Variants in SATB1 observed in about 807,000 individuals in gnomAD.
SATB1 encodes DNA-binding protein SATB1.
SATB1 carries 11 observed loss-of-function variants against 86.9 expected under a neutral mutation model. The ratio of observed to expected loss-of-function variants is 0.13; its 90% confidence interval spans 0.08 to 0.21. The LOEUF is 0.21. SATB1 is among the 10% of genes least tolerant of loss of function. The pLI is 1.00. For synonymous variants in SATB1, 357 were observed against 357.2 expected (o/e 1.00, Z 0.01); for missense variants, 551 against 937.6 (o/e 0.59, Z 5.39).
intron 2 of SATB1, among the ~76,000 whole-genome samples, chr3:18,430,527 T>TG (rs1698853240): frequency 6.6e-6 from 1 of 152,126 alleles, no homozygotes; most frequent in African/African-American, 2.4e-5. Context: ...CCCTTACCCC[T>TG]GTACCTATAT....
chr3:18,398,732 T>C (rs1697092488), intron 5 of SATB1, among the ~76,000 whole-genome samples: 1 of 152,146 alleles, frequency 6.6e-6, no homozygotes, highest in Non-Finnish European at 1.5e-5. Context: ...ATATCTTTTT[T>C]TTTGACACTC....
intron 2 of SATB1, among the ~76,000 whole-genome samples, chr3:18,432,194 T>G (rs555905637): frequency 7.9e-5 from 12 of 152,290 alleles, no homozygotes; most frequent in African/African-American, 2.6e-4. Flanking sequence ...ACTGTCCATG[T>G]CAAGGAGCCA....
chr3:18,423,613 G>A lies in SATB1; in HGVS notation c.-25+14C>T, dbSNP rs1170403208. 1 of 151,764 alleles carries A rather than the reference G, an allele frequency of 6.6e-6. No individual in the cohort carries two copies. The highest frequency in any genetic ancestry group is 1.5e-5 in the Non-Finnish European group (1 of 67,994). 9.4% of individuals were successfully genotyped at this position (151,764 alleles called of 1,614,324 possible). A position where few individuals can be genotyped will look rare whatever the true frequency, so the allele number is the denominator to read the frequency against. On this transcript the variant is annotated intron_variant, in intron 1 of 10. Coordinates refer to ENST00000338745, the MANE Select transcript of SATB1 (RefSeq NM_002971.6). The stretch of plus-strand genomic sequence containing the variant: ...TTTACTGAGTGAAATTAGCAAAACC[G>A]ACCTGAAACTCACCACTTCAAAACT...
At chr3:18,369,611 C>T (rs1171023883) in intron 9 of SATB1, among the ~76,000 whole-genome samples, 2 of 149,414 alleles carry the variant, frequency 1.3e-5, no homozygotes, top group East Asian at 2.0e-4. Context: ...AATGAACAAG[C>T]TGTTTGTGGT....
chr3:18,413,236 TAAATTCA>T (rs1227713321), intron 5 of SATB1, among the ~76,000 whole-genome samples: 11 of 152,134 alleles, frequency 7.2e-5, no homozygotes, highest in Non-Finnish European at 4.4e-5. Context: ...TAACATTAAG[TAAATTCA>T]CAATTCTATT....
chr3:18,352,427 T>C lies in SATB1; in HGVS notation c.1576-232A>G, dbSNP rs1446519096. 1 of 497,326 alleles carries C rather than the reference T, an allele frequency of 2.0e-6. No individual in the cohort carries two copies. Among genetic ancestry groups the C allele is most frequent in the Non-Finnish European group, 3.6e-6 (1 of 275,790 alleles). The allele number at this position is 497,326 out of a possible 1,614,324, so 30.8% of individuals were successfully genotyped here. On this transcript the variant is annotated intron_variant, in intron 9 of 10. Coordinates refer to ENST00000338745, the MANE Select transcript of SATB1 (RefSeq NM_002971.6). The surrounding 1 kb of genome is among the most constrained non-coding windows in gnomAD (Gnocchi z 4.1). Reference sequence around the variant, plus strand: ...ATTTGCATCTCAAAGGAGGGACATATTTTTTCAGACTCTGAGGGTAACAGA... The same window carrying C: ...ATTTGCATCTCAAAGGAGGGACATACTTTTTCAGACTCTGAGGGTAACAGA...
chr3:18,384,596 G>A (rs1162466715), intron 8 of SATB1, among the ~76,000 whole-genome samples: 1 of 152,040 alleles, frequency 6.6e-6, no homozygotes, highest in Admixed American at 6.5e-5. Flanking sequence ...GACTTCAGGA[G>A]CAAAGTTAAC....
intron 10 of SATB1, chr3:18,351,337 T>A: frequency 1.3e-6 from 2 of 1,551,814 alleles, no homozygotes; most frequent in Non-Finnish European, 1.7e-6. Flanking sequence ...CGAGCCATGG[T>A]GCAGGGGTCG....
chr3:18,355,349 A>G (rs772314483), intron 9 of SATB1, among the ~76,000 whole-genome samples: 1 of 152,056 alleles, frequency 6.6e-6, no homozygotes, highest in Non-Finnish European at 1.5e-5. Context: ...ACTACCTCAA[A>G]TTCTATTGAT....
intron 7 of SATB1, among the ~76,000 whole-genome samples, chr3:18,392,209 A>C (rs1381773618): frequency 6.6e-6 from 1 of 152,184 alleles, no homozygotes; most frequent in Non-Finnish European, 1.5e-5. Context: ...AAAAAAAGTC[A>C]CTGTTTTTGA....
At chr3:18,351,364 A>G (rs1421910691) in intron 10 of SATB1, 1 of 1,554,266 alleles carries the variant, frequency 6.4e-7, no homozygotes, top group Admixed American at 1.8e-5. Flanking sequence ...CTGGTAAGAA[A>G]ACGCCTCTAG....
At chr3:18,412,838 G>A (rs564903653) in intron 5 of SATB1, among the ~76,000 whole-genome samples, 3 of 152,122 alleles carry the variant, frequency 2.0e-5, no homozygotes, top group East Asian at 3.9e-4. Context: ...AACAGTTTAT[G>A]TTGAAAAAAT....
chr3:18,417,655 A>G (rs1698187717), intron 2 of SATB1: 4 of 698,594 alleles, frequency 5.7e-6, no homozygotes, highest in Admixed American at 4.0e-5. Context: ...GGTTCCACAA[A>G]AAGTACTTAA....
chr3:18,416,799 T>C lies in SATB1; in HGVS notation c.388+103A>G, dbSNP rs952428558. 14 of 1,190,168 alleles carry C rather than the reference T, an allele frequency of 1.2e-5. No homozygotes were observed. In the African/African-American group the frequency reaches 1.2e-4, roughly 11 times the overall value. The allele number at this position is 1,190,168 out of a possible 1,614,324, so 73.7% of individuals were successfully genotyped here. ...CACAGCCTATAAGGAACCAATGTAA[T>C]ACACAGGCTACAGTTCTTTGAATAA... On this transcript the variant is annotated intron_variant, in intron 3 of 10. Transcript: ENST00000338745.
chr3:18,353,590 C>T (rs78709993), intron 9 of SATB1, among the ~76,000 whole-genome samples: 87 of 151,772 alleles, frequency 5.7e-4, no homozygotes, highest in African/African-American at 1.9e-3. Flanking sequence ...GGTTTTGTTT[C>T]TTATGTTACC....
rs1694077621 is a variant in SATB1 at position 18,346,747 on chromosome 3, C to G, written c.*2423G>C. On this transcript the variant is annotated 3_prime_UTR_variant, in exon 11 of 11. Transcript: ENST00000338745. Reference sequence around the variant, plus strand: ...AACATTCATCATTTCACTGAAAACACTATTTCAAAATAATTTAGGTTATTA... The same window carrying G: ...AACATTCATCATTTCACTGAAAACAGTATTTCAAAATAATTTAGGTTATTA... The G allele has an allele frequency of 6.6e-6, 1 of 152,070 alleles. No homozygotes were observed. Among genetic ancestry groups the G allele is most frequent in the African/African-American group, 2.4e-5 (1 of 41,414 alleles). The allele number at this position is 152,070 out of a possible 1,614,324, so 9.4% of individuals were successfully genotyped here.
At chr3:18,428,864 G>A (rs543081438), upstream of SATB1, among the ~76,000 whole-genome samples, 6 of 152,260 alleles carry the variant, frequency 3.9e-5, no homozygotes, top group South Asian at 1.2e-3. Context: ...CACATTCAGA[G>A]TTCTGAATAG....
chr3:18,351,859 T>A (rs1241509998), intron 10 of SATB1, 133 bp downstream of exon 10: 2 of 765,120 alleles, frequency 2.6e-6, no homozygotes, highest in Non-Finnish European at 4.5e-6. Context: ...CTGAGCAAGA[T>A]GGCAGTGTAT....
At chr3:18,395,008 G>T in intron 6 of SATB1, 92 bp from the exon 7 acceptor site, 1 of 990,538 alleles carries the variant, frequency 1.0e-6, no homozygotes, top group Non-Finnish European at 1.4e-6. Context: ...AAAAGGGTAG[G>T]CACAGGGCAC....
Sources: gnomAD v4.1 joint callset for allele counts (sites outside exome capture counted in the v4.1 genomes callset) on GRCh38, gnomAD v4.1.1 for gene constraint, Gnocchi (gnomAD v3.1) non-coding constraint, MANE v1.5 for transcripts, NCBI Gene and HGNC (gene_info 2026-07-23, HGNC 2026-07-21) for gene names.